Variants in TAF2 observed in about 807,000 individuals in gnomAD.
The protein encoded by TAF2 is TATA-box binding protein associated factor 2, also known as transcription initiation factor TFIID subunit 2.
In TAF2, 61 loss-of-function variants were observed where a neutral mutation model predicts 138.5. That is an observed-to-expected ratio of 0.44 (90% CI 0.36 to 0.54). The LOEUF is 0.54. Ranked by LOEUF, TAF2 falls within the 20% of genes least tolerant of loss-of-function variation. TAF2 has a pLI of 0.00. For synonymous variants in TAF2, 475 were observed against 469.9 expected (o/e 1.01, Z -0.14); for missense variants, 1,090 against 1,427.9 (o/e 0.76, Z 3.81).
intron 25 of TAF2, among the ~76,000 whole-genome samples, chr8:119,738,493 A>G (rs1030526553): frequency 4.6e-5 from 7 of 152,122 alleles, no homozygotes; most frequent in African/African-American, 1.7e-4. Context: ...AATACATGTC[A>G]CTCTTCTAAA....
rs1450700332 is a variant in TAF2, at chr8:119,815,915, A to AT, written c.299+3430dup. On this transcript the variant is annotated intron_variant, in intron 3 of 25. Coordinates refer to ENST00000378164, the MANE Select transcript of TAF2 (RefSeq NM_003184.4). ...ACCAATATGTTTTTAAATTGTTAGT[A>AT]TATGTAATGTAACATGTCAGCTAAC... 2.0e-5 allele frequency among the ~76,000 whole-genome samples: 3 copies of AT among 152,216 alleles called. No individual in the cohort carries two copies. In the East Asian group the frequency reaches 5.8e-4, roughly 29 times the overall value.
chr8:119,742,432 C>G (rs533475844), intron 25 of TAF2, 102 bp downstream of exon 25: 658 of 1,452,704 alleles, frequency 4.5e-4, no homozygotes, highest in Non-Finnish European at 5.7e-4. Context: ...GTCCTAAGAT[C>G]TGTATTTTTA....
At chr8:119,790,678 C>A (rs956830308) in intron 11 of TAF2, among the ~76,000 whole-genome samples, 1 of 152,070 alleles carries the variant, frequency 6.6e-6, no homozygotes, top group Non-Finnish European at 1.5e-5. Flanking sequence ...CAAAAATAAA[C>A]ATCTTTTTTA....
intron 18 of TAF2, among the ~76,000 whole-genome samples, chr8:119,776,431 C>T (rs1321156866): frequency 6.6e-6 from 1 of 150,794 alleles, no homozygotes; most frequent in Non-Finnish European, 1.5e-5. Context: ...GCCTGTACTC[C>T]CAGCACTTTG....
intron 21 of TAF2, among the ~76,000 whole-genome samples, chr8:119,757,694 G>A (rs56369293): frequency 0.077 from 11,673 of 151,546 alleles, 587 homozygotes; most frequent in African/African-American, 0.13. Context: ...CCAGGAGTTC[G>A]AGACCAGCCT....
At chr8:119,816,226 A>AT (rs879758425) in intron 3 of TAF2, among the ~76,000 whole-genome samples, 183 of 140,952 alleles carry the variant, frequency 1.3e-3, no homozygotes, top group Middle Eastern at 3.6e-3. Context: ...AATTTTTTGT[A>AT]TTTTTTTTTT....
intron 22 of TAF2, among the ~76,000 whole-genome samples, chr8:119,754,641 C>T (rs914787850): frequency 3.4e-4 from 51 of 151,932 alleles, no homozygotes; most frequent in African/African-American, 1.1e-3. Context: ...TGAGATCGTG[C>T]CATTGCACTC....
chr8:119,763,502 G>T (rs1326584875), intron 18 of TAF2, among the ~76,000 whole-genome samples: 2 of 152,086 alleles, frequency 1.3e-5, no homozygotes, highest in Admixed American at 6.5e-5. Flanking sequence ...GGCCAAGGCC[G>T]GCAGAACACT....
At chr8:119,818,250 G>A (rs554777522) in intron 3 of TAF2, among the ~76,000 whole-genome samples, 107 of 152,306 alleles carry the variant, frequency 7.0e-4, no homozygotes, top group African/African-American at 2.5e-3. Flanking sequence ...CAGTGGGTCT[G>A]GGGTATTGAT....
chr8:119,822,767 C>T (rs1225175708), intron 2 of TAF2, among the ~76,000 whole-genome samples: 1 of 152,156 alleles, frequency 6.6e-6, no homozygotes, highest in Non-Finnish European at 1.5e-5. Flanking sequence ...CTCATTACTT[C>T]TCTCCCAGTC....
intron 16 of TAF2, among the ~76,000 whole-genome samples, chr8:119,783,008 GACACAC>G (rs35199230): frequency 1.3e-5 from 2 of 150,426 alleles, no homozygotes; most frequent in African/African-American, 2.4e-5. Context: ...CACACCCACA[GACACAC>G]ACACACACAC....
At chr8:119,818,517 T>C (rs1274565366) in intron 3 of TAF2, among the ~76,000 whole-genome samples, 1 of 152,034 alleles carries the variant, frequency 6.6e-6, no homozygotes, top group Non-Finnish European at 1.5e-5. Context: ...GTAGTAGACA[T>C]TTAAACACTA....
At chr8:119,745,549 A>C (rs948730951) in intron 23 of TAF2, among the ~76,000 whole-genome samples, 12 of 152,158 alleles carry the variant, frequency 7.9e-5, no homozygotes, top group African/African-American at 2.7e-4. Context: ...GCATAGAGAG[A>C]ATCTGCATTT....
rs143803245 is a variant in TAF2 at position 119,732,146 on chromosome 8, C to T, written c.3378G>A (p.Ala1126=). Residue 1126 remains alanine (A), a synonymous_variant, in exon 26 of 26, where the codon GCG becomes GCA. Coordinates refer to ENST00000378164, the MANE Select transcript of TAF2 (RefSeq NM_003184.4). ...QAPLEMSMHP[A]ASAPLSVFTK... ...TAAAGACTGAGAGTGGAGCGCTTGC[C>T]GCTGGATGCATACTCATCTCCAAAG... The T allele has an allele frequency of 1.6e-5, 26 of 1,613,972 alleles. No individual in the cohort carries two copies. The highest frequency in any genetic ancestry group is 1.6e-4 in the Middle Eastern group (1 of 6,084).
chr8:119,771,944 T>C (rs761373829), intron 18 of TAF2, among the ~76,000 whole-genome samples: 5 of 152,064 alleles, frequency 3.3e-5, no homozygotes, highest in Non-Finnish European at 7.4e-5. Context: ...TTGGCTAAAA[T>C]GCAAAATCTC....
At chr8:119,812,179 T>A (rs1825115950) in intron 3 of TAF2, among the ~76,000 whole-genome samples, 2 of 152,192 alleles carry the variant, frequency 1.3e-5, no homozygotes, top group Admixed American at 1.3e-4. Context: ...TGATTAGTGA[T>A]TGGCTATATA....
At chr8:119,798,579 G>A (rs1205848188) in intron 6 of TAF2, among the ~76,000 whole-genome samples, 1 of 152,098 alleles carries the variant, frequency 6.6e-6, no homozygotes, top group Non-Finnish European at 1.5e-5. Context: ...GAAACTTTTG[G>A]TACAGGAAAA....
intron 2 of TAF2, 39 bp downstream of exon 2, chr8:119,831,638 G>A: frequency 2.1e-6 from 3 of 1,455,974 alleles, no homozygotes; most frequent in Non-Finnish European, 1.9e-6. Context: ...TCTTTATAGT[G>A]GACTTGTTAC....
intron 1 of TAF2, among the ~76,000 whole-genome samples, chr8:119,832,084 G>A (rs1826486500): frequency 6.6e-6 from 1 of 152,096 alleles, no homozygotes; most frequent in Non-Finnish European, 1.5e-5. Flanking sequence ...GCTTGAACCC[G>A]GCAGGTGGAG....
Sources: allele counts gnomAD v4.1 joint callset (sites outside exome capture counted in the v4.1 genomes callset), GRCh38; gene constraint gnomAD v4.1.1; transcripts MANE v1.5; gene names NCBI Gene and HGNC (gene_info 2026-07-23, HGNC 2026-07-21).